Variants in PDE7B observed in about 807,000 individuals in gnomAD.
The protein encoded by PDE7B is phosphodiesterase 7B.
Under a neutral mutation model 56.2 loss-of-function variants are expected in PDE7B, and 29 were observed. That is an observed-to-expected ratio of 0.52 (90% confidence interval 0.38 to 0.70). PDE7B has a LOEUF of 0.70. Among genes scored for constraint, PDE7B ranks in the 30% least tolerant of loss-of-function variants. The pLI, the probability that PDE7B is intolerant of heterozygous loss-of-function variation, is 0.00. For missense variants in PDE7B, 490 were observed against 565.0 expected (o/e 0.87, Z 1.35); for synonymous variants, 197 against 196.9 (o/e 1.00, Z 0.00).
chr6:135,955,467 T>C (rs753572916), intron 2 of PDE7B, among the ~76,000 whole-genome samples: 1 of 152,060 alleles, frequency 6.6e-6, no homozygotes, highest in Non-Finnish European at 1.5e-5. Context: ...AATTAAAAAC[T>C]GTAAGAAAGT....
At chr6:136,019,013 A>G (rs1396952109) in intron 2 of PDE7B, among the ~76,000 whole-genome samples, 1 of 152,016 alleles carries the variant, frequency 6.6e-6, no homozygotes, top group Non-Finnish European at 1.5e-5. Context: ...CACCCAGCTC[A>G]GACTCTATTT....
intron 1 of PDE7B, among the ~76,000 whole-genome samples, chr6:135,901,619 A>G (rs1238552655): frequency 6.6e-6 from 1 of 152,154 alleles, no homozygotes; most frequent in Non-Finnish European, 1.5e-5. Context: ...CTCTAGGTGG[A>G]CAAGTCAAGC....
intron 6 of PDE7B, among the ~76,000 whole-genome samples, 153 bp downstream of exon 6, chr6:136,151,408 G>C (rs201325823): frequency 6.6e-6 from 1 of 151,200 alleles, no homozygotes; most frequent in South Asian, 2.1e-4. Flanking sequence ...AATATGGCTT[G>C]TTCATCCTAA....
chr6:136,033,845 T>TTA (rs1391267788), intron 2 of PDE7B, among the ~76,000 whole-genome samples: 1 of 151,962 alleles, frequency 6.6e-6, no homozygotes, highest in African/African-American at 2.4e-5. Context: ...GAATTTTTTT[T>TTA]TTGAATTGCA....
intron 1 of PDE7B, among the ~76,000 whole-genome samples, chr6:135,869,387 T>C (rs992915249): frequency 1.3e-5 from 2 of 152,130 alleles, no homozygotes; most frequent in Non-Finnish European, 2.9e-5. Context: ...ATCTCTAATA[T>C]ATGGATAAAA....
chr6:136,119,635 T>G (rs1777896053), intron 3 of PDE7B, among the ~76,000 whole-genome samples: 1 of 152,216 alleles, frequency 6.6e-6, no homozygotes, highest in Non-Finnish European at 1.5e-5. Context: ...TTATTCACAT[T>G]TGAACAGCAC....
intron 1 of PDE7B, among the ~76,000 whole-genome samples, chr6:135,898,885 G>C (rs1698863194): frequency 6.6e-6 from 1 of 152,094 alleles, no homozygotes; most frequent in African/African-American, 2.4e-5. Flanking sequence ...TTTGATACAT[G>C]TTACCAAATT....
At chr6:135,872,861 CATTT>C (rs1446198448) in intron 1 of PDE7B, among the ~76,000 whole-genome samples, 1 of 152,098 alleles carries the variant, frequency 6.6e-6, no homozygotes, top group Non-Finnish European at 1.5e-5. Context: ...TAATACTACT[CATTT>C]ATATAGTAGT....
At chr6:136,098,209 GAGGAAGAAGGCAAAGAAAGGAA>G (rs1777504039) in intron 2 of PDE7B, 1 of 149,582 alleles carries the variant, frequency 6.7e-6, no homozygotes, top group Admixed American at 6.7e-5. Flanking sequence ...GAAGGAGAGA[GAGGAAGAAGGCAAAGAAAGGAA>G]AGGAAGAAGA....
chr6:135,966,402 C>T (rs571961517), intron 2 of PDE7B, among the ~76,000 whole-genome samples: 2 of 152,248 alleles, frequency 1.3e-5, no homozygotes, highest in African/African-American at 4.8e-5. Context: ...GAAAGAGAAG[C>T]CTCTCCTTTT....
chr6:136,013,860 A>G (rs933741963), intron 2 of PDE7B, among the ~76,000 whole-genome samples: 68 of 152,246 alleles, frequency 4.5e-4, no homozygotes, highest in Non-Finnish European at 1.0e-4. Flanking sequence ...CAAGGCTAGA[A>G]GTAACTGCTT....
chr6:135,971,552 T>C (rs1252961223), intron 2 of PDE7B, among the ~76,000 whole-genome samples: 1 of 152,172 alleles, frequency 6.6e-6, no homozygotes, highest in African/African-American at 2.4e-5. Context: ...AAAGCTGTGA[T>C]ATAGGAACAG....
chr6:136,110,009 T>C (rs1188613505), intron 3 of PDE7B, among the ~76,000 whole-genome samples: 2 of 152,190 alleles, frequency 1.3e-5, no homozygotes, highest in African/African-American at 4.8e-5. Flanking sequence ...TAGGAGAAAT[T>C]AGAACCTGTT....
chr6:136,089,017 G>A (rs80071129), intron 2 of PDE7B, among the ~76,000 whole-genome samples: 3,505 of 151,892 alleles, frequency 0.023, 133 homozygotes, highest in African/African-American at 0.079. Flanking sequence ...GAAACACGGG[G>A]AACTATCAGA....
intron 2 of PDE7B, chr6:136,094,355 ACCTCACTCTCCCTGCT>A (rs948670378): frequency 2.1e-4 from 32 of 152,566 alleles, no homozygotes; most frequent in African/African-American, 7.5e-4. Flanking sequence ...ACACTCCTGC[ACCTCACTCTCCCTGCT>A]CCACCATGTT....
chr6:136,110,630 A>G (rs1432782837), intron 3 of PDE7B, among the ~76,000 whole-genome samples: 1 of 152,112 alleles, frequency 6.6e-6, no homozygotes, highest in Non-Finnish European at 1.5e-5. Context: ...AGTGTTAATA[A>G]GCAACTTTAC....
chr6:136,185,754 G>A (rs1238327601), intron 11 of PDE7B, among the ~76,000 whole-genome samples: 14 of 152,096 alleles, frequency 9.2e-5, no homozygotes. Context: ...GACAGAGTAA[G>A]AGCCTGCCTC....
intron 1 of PDE7B, among the ~76,000 whole-genome samples, chr6:135,933,047 C>G (rs1464292658): frequency 6.6e-6 from 1 of 152,160 alleles, no homozygotes; most frequent in Non-Finnish European, 1.5e-5. Context: ...GGGGCTCTGT[C>G]TCCATGGTTT....
At chr6:136,039,186 T>C (rs1245248455) in intron 2 of PDE7B, among the ~76,000 whole-genome samples, 1 of 151,864 alleles carries the variant, frequency 6.6e-6, no homozygotes, top group Non-Finnish European at 1.5e-5. Context: ...TTTGGGACGG[T>C]TGTGGAGAAC....
Sources: gnomAD v4.1 joint callset for allele counts (sites outside exome capture counted in the v4.1 genomes callset) on GRCh38, gnomAD v4.1.1 for gene constraint, MANE v1.5 for transcripts, NCBI Gene and HGNC (gene_info 2026-07-23, HGNC 2026-07-21) for gene names.